CALN1: variants seen among roughly 807,000 people sequenced by gnomAD.
The protein encoded by CALN1 is calneuron 1, also known as calcium-binding protein 8.
In CALN1, 17 loss-of-function variants were observed where a neutral mutation model predicts 30.6. That is an observed-to-expected ratio of 0.56 (90% CI 0.38 to 0.83). CALN1 has a LOEUF of 0.83. Ranked by LOEUF, CALN1 falls within the 40% of genes least tolerant of loss-of-function variation. CALN1 has a pLI of 0.00. For missense variants in CALN1, 291 were observed against 354.9 expected (o/e 0.82, Z 1.45); for synonymous variants, 156 against 131.4 (o/e 1.19, Z -1.28).
intron 5 of CALN1, among the ~76,000 whole-genome samples, chr7:71,824,919 G>A (rs150183736): frequency 7.8e-4 from 118 of 152,228 alleles, no homozygotes; most frequent in African/African-American, 2.8e-3. Context: ...CTACACAGTT[G>A]AGTGATCTCA....
At chr7:72,123,229 T>TA (rs1212521509) in intron 3 of CALN1, among the ~76,000 whole-genome samples, 1 of 152,200 alleles carries the variant, frequency 6.6e-6, no homozygotes, top group Non-Finnish European at 1.5e-5. Flanking sequence ...CAAAGACTTC[T>TA]AGCTGCCTGC....
chr7:72,089,057 A>AT (rs1358205031), intron 4 of CALN1, among the ~76,000 whole-genome samples: 2 of 152,094 alleles, frequency 1.3e-5, no homozygotes, highest in Non-Finnish European at 2.9e-5. Context: ...TAGAGACAAG[A>AT]TAAGTGTTTC....
rs1378869333 is a variant in CALN1, at chr7:72,339,919, T to G, written c.120-61109A>C. 2.6e-5 allele frequency among the ~76,000 whole-genome samples: 4 copies of G among 152,166 alleles called. No homozygotes were observed. The South Asian group carries it at 6.2e-4, about 24-fold the overall frequency. ...GAATTATGGGAGCTACAAGTCAAGA[T>G]GAGATTTGGGTGGGGACACAGTCAA... On this transcript the variant is annotated intron_variant, in intron 2 of 6. Coordinates refer to ENST00000395275, the MANE Select transcript of CALN1 (RefSeq NM_031468.4).
intron 4 of CALN1, among the ~76,000 whole-genome samples, chr7:72,074,164 A>C (rs1006323836): frequency 6.6e-6 from 1 of 152,188 alleles, no homozygotes; most frequent in Non-Finnish European, 1.5e-5. Flanking sequence ...CAGACAGTCA[A>C]AACCAGCCTT....
intron 3 of CALN1, among the ~76,000 whole-genome samples, chr7:72,134,543 A>G (rs998127781): frequency 6.6e-6 from 1 of 152,212 alleles, no homozygotes; most frequent in African/African-American, 2.4e-5. Context: ...ACTTTTGTCT[A>G]TTAAGTGTGC....
intron 3 of CALN1, among the ~76,000 whole-genome samples, chr7:72,150,872 T>TGATGATG (rs1554456496): frequency 2.0e-5 from 3 of 150,424 alleles, no homozygotes; most frequent in Non-Finnish European, 3.0e-5. Context: ...GCTGTGATGA[T>TGATGATG]ATGATGATGA....
intron 3 of CALN1, among the ~76,000 whole-genome samples, chr7:72,275,788 C>T (rs1232854546): frequency 6.6e-6 from 1 of 152,144 alleles, no homozygotes; most frequent in African/African-American, 2.4e-5. Flanking sequence ...TCTCAAGCTG[C>T]CTTTGCCTGA....
intron 2 of CALN1, among the ~76,000 whole-genome samples, chr7:72,385,641 T>A (rs1283102410): frequency 6.6e-6 from 1 of 152,216 alleles, no homozygotes; most frequent in Non-Finnish European, 1.5e-5. Context: ...CTGGAATTCT[T>A]ATCCCAAGCT....
intron 5 of CALN1, among the ~76,000 whole-genome samples, chr7:71,896,147 T>C (rs1562880344): frequency 6.6e-6 from 1 of 152,152 alleles, no homozygotes; most frequent in Non-Finnish European, 1.5e-5. Flanking sequence ...TAATATACGC[T>C]TTAATGTTTT....
intron 4 of CALN1, among the ~76,000 whole-genome samples, chr7:72,066,673 C>T (rs902898253): frequency 2.6e-5 from 4 of 152,014 alleles, no homozygotes; most frequent in Non-Finnish European, 4.4e-5. Context: ...AGTACAGTGG[C>T]GCCATCACGG....
At position 72,292,889 on chromosome 7, in the gene CALN1, G is replaced by T. The variant is rs1021033447; in HGVS notation, c.120-14079C>A. 2.0e-5 allele frequency among the ~76,000 whole-genome samples: 3 copies of T among 151,408 alleles called. No individual in the cohort carries two copies. In the South Asian group the frequency reaches 6.3e-4, roughly 32 times the overall value. Reference sequence around the variant, plus strand: ...ACATTTAGTCCATGAATTACAGGGGGCTGGGAAACCGGAGTCTCATTTCCT... The same window carrying T: ...ACATTTAGTCCATGAATTACAGGGGTCTGGGAAACCGGAGTCTCATTTCCT... On this transcript the variant is annotated intron_variant, in intron 2 of 6. Coordinates refer to ENST00000395275, the MANE Select transcript of CALN1 (RefSeq NM_031468.4).
intron 5 of CALN1, among the ~76,000 whole-genome samples, chr7:71,945,105 G>A (rs1374559703): frequency 6.6e-6 from 1 of 152,100 alleles, no homozygotes; most frequent in East Asian, 1.9e-4. Flanking sequence ...GCTCAAAGGA[G>A]AGCTGGCTGT....
At chr7:72,174,197 C>A (rs532749068) in intron 3 of CALN1, among the ~76,000 whole-genome samples, 1 of 152,108 alleles carries the variant, frequency 6.6e-6, no homozygotes, top group Admixed American at 6.6e-5. Flanking sequence ...TATATACCAC[C>A]ACACTTCAGC....
At chr7:72,207,616 C>T (rs766573834) in intron 3 of CALN1, among the ~76,000 whole-genome samples, 1 of 139,082 alleles carries the variant, frequency 7.2e-6, no homozygotes, top group African/African-American at 2.8e-5. Flanking sequence ...GCACCCATCC[C>T]GCTTACTTTC....
chr7:71,909,368 G>T (rs1005635022), intron 5 of CALN1, among the ~76,000 whole-genome samples: 2 of 152,058 alleles, frequency 1.3e-5, no homozygotes, highest in African/African-American at 4.8e-5. Flanking sequence ...GATAAAATCA[G>T]GTATGCAAGG....
At chr7:71,928,442 T>C (rs1417554411) in intron 5 of CALN1, among the ~76,000 whole-genome samples, 1 of 132,162 alleles carries the variant, frequency 7.6e-6, no homozygotes, top group African/African-American at 2.8e-5. Context: ...CCATTACTTT[T>C]AATGGCAAAA....
chr7:72,045,096 C>T lies in CALN1; in HGVS notation c.389-21327G>A, dbSNP rs951062664. Reference sequence around the variant, plus strand: ...ACTAGAAAAAGACACAAAGTCACAGCGGTCCTAGAAGCTGAAGATAGTCAT... The same window carrying T: ...ACTAGAAAAAGACACAAAGTCACAGTGGTCCTAGAAGCTGAAGATAGTCAT... On this transcript the variant is annotated intron_variant, in intron 4 of 6. Coordinates refer to ENST00000395275, the MANE Select transcript of CALN1 (RefSeq NM_031468.4). 1.2e-4 allele frequency among the ~76,000 whole-genome samples: 18 copies of T among 152,292 alleles called. 1 individual carries two copies. The highest frequency in any genetic ancestry group is 3.4e-3 in the Middle Eastern group (1 of 294).
intron 6 of CALN1, among the ~76,000 whole-genome samples, chr7:71,806,407 A>G (rs1354937858): frequency 2.0e-5 from 3 of 151,772 alleles, no homozygotes; most frequent in Admixed American, 6.6e-5. Context: ...CCTGGGCTCA[A>G]GCAATTCTCC....
intron 3 of CALN1, among the ~76,000 whole-genome samples, chr7:72,209,920 A>C (rs377198922): frequency 6.6e-6 from 1 of 152,172 alleles, no homozygotes; most frequent in Non-Finnish European, 1.5e-5. Flanking sequence ...TCCTTGGTAC[A>C]CTTTTCTGTA....
Sources: gnomAD v4.1 joint callset for allele counts (sites outside exome capture counted in the v4.1 genomes callset) on GRCh38, gnomAD v4.1.1 for gene constraint, MANE v1.5 for transcripts, NCBI Gene and HGNC (gene_info 2026-07-23, HGNC 2026-07-21) for gene names.